Variants in SATB2 observed in about 807,000 individuals in gnomAD.
SATB2 encodes SATB homeobox 2.
Under a neutral mutation model 73.4 loss-of-function variants are expected in SATB2, and 1 was observed. That is an observed-to-expected ratio of 0.01 (90% CI 0.00 to 0.06). The LOEUF is 0.06. SATB2 is among the 10% of genes least tolerant of loss of function. The pLI, the probability that SATB2 is intolerant of heterozygous loss-of-function variation, is 1.00. For synonymous variants in SATB2, 397 were observed against 367.0 expected, an observed-to-expected ratio of 1.08 and a Z score of -0.93; for missense variants, 459 against 945.8, an observed-to-expected ratio of 0.49 and a Z score of 6.75.
At position 199,455,984 on chromosome 2, in the gene SATB2, G is replaced by T. The variant is rs747894251; in HGVS notation, c.54C>A (p.Ser18Arg). The T allele has an allele frequency of 6.5e-7, 1 of 1,539,960 alleles. No homozygotes were observed. The highest frequency in any genetic ancestry group is 8.7e-7 in the Non-Finnish European group (1 of 1,147,804). Residue 18 changes from serine (S) to arginine (R), a missense_variant, in exon 2 of 11, where the codon AGC (serine) becomes AGA (arginine). Physicochemically the swap from Ser to Arg is moderately radical, Grantham distance 110 (BLOSUM62 -1). Around this residue, in one of 13 missense-constraint regions of SATB2, gnomAD observed 74 missense variants for 113.3 expected, o/e 0.65. Coordinates refer to ENST00000417098, the MANE Select transcript of SATB2 (RefSeq NM_001172509.2). The surrounding 1 kb of genome is among the most constrained non-coding windows in gnomAD (Gnocchi z 4.1). ...PCLRDSPDRR[S>R]GSPDVKGPPP... ...GAGGCCCCTTGACGTCCGGGCTGCCGCTCCGCCGGTCGGGGCTGTCCCGCA... is the reference window on the plus strand; with the variant it reads ...GAGGCCCCTTGACGTCCGGGCTGCCTCTCCGCCGGTCGGGGCTGTCCCGCA...
chr2:199,307,856 A>G (rs1687479321), intron 10 of SATB2, among the ~76,000 whole-genome samples: 1 of 151,982 alleles, frequency 6.6e-6, no homozygotes, highest in Non-Finnish European at 1.5e-5. Flanking sequence ...CTCCCTTTAT[A>G]TTCTCCTCTT....
chr2:199,389,062 T>C (rs1037025970), intron 3 of SATB2, among the ~76,000 whole-genome samples: 1 of 152,176 alleles, frequency 6.6e-6, no homozygotes, highest in African/African-American at 2.4e-5. Context: ...TATATAATAA[T>C]TCAGCCTGTG....
chr2:199,437,072 ATGG>A (rs1339448571), intron 2 of SATB2, among the ~76,000 whole-genome samples: 1 of 152,186 alleles, frequency 6.6e-6, no homozygotes, highest in African/African-American at 2.4e-5. Context: ...AAATTTAGAA[ATGG>A]TGAAGAAAAA....
rs931276333 is a variant in SATB2, at chr2:199,308,567, C to T, written c.1740+193G>A. On this transcript the variant is annotated intron_variant, in intron 10 of 10. Transcript: ENST00000417098. This position sits in a 1 kb window ranked among gnomAD's most constrained non-coding sequence, Gnocchi z 4.6. Reference sequence around the variant, plus strand: ...GTGTGCATACACACACACACACGCACGCACATGCACACACACACACATACA... The same window carrying T: ...GTGTGCATACACACACACACACGCATGCACATGCACACACACACACATACA... Among the ~76,000 whole-genome samples the T allele has an allele frequency of 3.3e-5, 5 of 151,322 alleles. No individual in the cohort carries two copies. The highest frequency in any genetic ancestry group is 1.3e-4 in the Admixed American group (2 of 15,246).
intron 7 of SATB2, among the ~76,000 whole-genome samples, chr2:199,332,085 G>A (rs1319510245): frequency 6.6e-6 from 1 of 152,066 alleles, no homozygotes; most frequent in East Asian, 1.9e-4. Flanking sequence ...TTGAGAATGT[G>A]CAAATGGAGG....
intron 7 of SATB2, among the ~76,000 whole-genome samples, chr2:199,345,138 G>T (rs947854503): frequency 6.6e-6 from 1 of 152,008 alleles, no homozygotes; most frequent in African/African-American, 2.4e-5. Context: ...TGCTGCTGCT[G>T]GTGGTGGTGA....
In SATB2 at chr2:199,353,148, CTTT is replaced by C. The variant is rs11369554; in HGVS notation, c.701-3978_701-3976del. On this transcript the variant is annotated intron_variant, in intron 6 of 10. Coordinates refer to ENST00000417098, the MANE Select transcript of SATB2 (RefSeq NM_001172509.2). ...AGAAACCATTTACACACGTTTTTGT[CTTT>C]TTTTTTTTTTTTTTTTTTTTTGAGA... 6.8e-5 allele frequency among the ~76,000 whole-genome samples: 6 copies of C among 88,028 alleles called. No individual in the cohort carries two copies. In the South Asian group the frequency reaches 1.9e-3, roughly 27 times the overall value. 57.7% of individuals were successfully genotyped at this position (88,028 alleles called of 152,430 possible). A position where few individuals can be genotyped will look rare whatever the true frequency, so the allele number is the denominator to read the frequency against.
intron 9 of SATB2, among the ~76,000 whole-genome samples, chr2:199,317,028 A>G (rs1428702183): frequency 7.0e-6 from 1 of 142,704 alleles, no homozygotes; most frequent in African/African-American, 2.5e-5. Context: ...TTCCTCAAGA[A>G]GTTATCATAA....
intron 2 of SATB2, among the ~76,000 whole-genome samples, chr2:199,449,122 A>G (rs1161128319): frequency 6.6e-6 from 1 of 152,164 alleles, no homozygotes; most frequent in Non-Finnish European, 1.5e-5. Context: ...TAACCATAAC[A>G]TCCACTTGTT....
intron 6 of SATB2, among the ~76,000 whole-genome samples, chr2:199,356,282 C>T (rs528351828): frequency 6.0e-5 from 9 of 148,928 alleles, no homozygotes; most frequent in East Asian, 5.9e-4. Flanking sequence ...AATTTCTCTA[C>T]GATTCTTTCA....
At chr2:199,392,116 C>G (rs1473532990) in intron 3 of SATB2, among the ~76,000 whole-genome samples, 2 of 152,098 alleles carry the variant, frequency 1.3e-5, no homozygotes, top group Non-Finnish European at 2.9e-5. Flanking sequence ...AGGGGTAGAT[C>G]CCAGGAGATG....
At chr2:199,285,069 T>C (rs1185998474) in intron 10 of SATB2, among the ~76,000 whole-genome samples, 1 of 152,156 alleles carries the variant, frequency 6.6e-6, no homozygotes, top group Non-Finnish European at 1.5e-5. Context: ...GTGTATTATC[T>C]ATAATTATTT....
intron 5 of SATB2, 97 bp downstream of exon 5, chr2:199,380,267 G>A (rs1288860179): frequency 5.5e-6 from 8 of 1,444,320 alleles, no homozygotes; most frequent in Non-Finnish European, 7.8e-6. Flanking sequence ...ATAAATAAAA[G>A]ACAGAGAAGA....
At chr2:199,309,355 A>G (rs1687530353) in intron 9 of SATB2, among the ~76,000 whole-genome samples, 1 of 152,284 alleles carries the variant, frequency 6.6e-6, no homozygotes, top group African/African-American at 2.4e-5. Flanking sequence ...ATAACAGGAC[A>G]GCAAATTCTA....
At chr2:199,370,989 T>G (rs2105852983) in intron 5 of SATB2, among the ~76,000 whole-genome samples, 2 of 148,710 alleles carry the variant, frequency 1.3e-5, no homozygotes, top group East Asian at 3.9e-4. Context: ...ATTTCCTAGA[T>G]GAGAATCTTT....
chr2:199,341,688 C>A (rs1424257718), intron 7 of SATB2, among the ~76,000 whole-genome samples: 1 of 152,142 alleles, frequency 6.6e-6, no homozygotes. Context: ...AGTTCCATAA[C>A]AACATATGGC....
At chr2:199,417,271 T>C (rs1319386337) in intron 3 of SATB2, among the ~76,000 whole-genome samples, 4 of 151,938 alleles carry the variant, frequency 2.6e-5, no homozygotes, top group African/African-American at 9.7e-5. Flanking sequence ...AAAGGAACCA[T>C]GATTCAAGGG....
At chr2:199,284,282 A>G (rs977793756) in intron 10 of SATB2, among the ~76,000 whole-genome samples, 1 of 152,220 alleles carries the variant, frequency 6.6e-6, no homozygotes, top group African/African-American at 2.4e-5. Context: ...TACAAAATAC[A>G]GTAAACCAGT....
intron 5 of SATB2, among the ~76,000 whole-genome samples, chr2:199,376,992 A>C (rs912792135): frequency 1.3e-5 from 2 of 152,244 alleles, no homozygotes; most frequent in Non-Finnish European, 2.9e-5. Flanking sequence ...GAGATTAACA[A>C]GGTACATCTC....
Sources: gnomAD v4.1 joint callset for allele counts (sites outside exome capture counted in the v4.1 genomes callset) on GRCh38, gnomAD v4.1.1 for gene constraint, gnomAD v4.1.1 regional missense constraint, Gnocchi (gnomAD v3.1) non-coding constraint, MANE v1.5 for transcripts, NCBI Gene and HGNC (gene_info 2026-07-23, HGNC 2026-07-21) for gene names.